Variants in RNF111 observed in about 807,000 individuals in gnomAD.
RNF111 encodes the protein E3 ubiquitin-protein ligase Arkadia.
In RNF111, 17 loss-of-function variants were observed where a neutral mutation model predicts 95.1. The ratio of observed to expected loss-of-function variants is 0.18; its 90% CI spans 0.12 to 0.27. RNF111 has a LOEUF of 0.27. Among genes scored for constraint, RNF111 ranks in the 10% least tolerant of loss-of-function variants. The probability of loss-of-function intolerance (pLI) is 1.00; values close to 1 mark genes in which losing one functional copy is unlikely to be tolerated. For synonymous variants in RNF111, 440 were observed against 414.8 expected (o/e 1.06, Z -0.74); for missense variants, 1,189 against 1,210.4 (o/e 0.98, Z 0.26).
Position 59,091,133 on chromosome 15 carries a change from A to C in RNF111, c.2718A>C (p.Thr906=), listed in dbSNP as rs748443145. 1 of 1,600,254 alleles carries C rather than the reference A, an allele frequency of 6.2e-7. No individual in the cohort carries two copies. Among genetic ancestry groups the C allele is most frequent in the South Asian group, 1.1e-5 (1 of 90,052 alleles). The change falls in exon 12 of 14, where the codon ACA becomes ACC. Residue 906 remains threonine (T), a synonymous_variant. Coordinates refer to ENST00000348370, the MANE Select transcript of RNF111 (RefSeq NM_017610.8). ...CCCAGGGGACAATTGAAAGATGTACATATCCACATAAATACAAAAAGGTAA... is the reference window on the plus strand; with the variant it reads ...CCCAGGGGACAATTGAAAGATGTACCTATCCACATAAATACAAAAAGGTAA... ...GASQGTIERC[T]YPHKYKKRKL...
intron 2 of RNF111, among the ~76,000 whole-genome samples, chr15:59,037,102 G>T (rs942121781): frequency 5.9e-5 from 9 of 151,886 alleles, no homozygotes. Flanking sequence ...CTCCCAAAGT[G>T]CTGGATTACA....
intron 6 of RNF111, among the ~76,000 whole-genome samples, chr15:59,072,450 C>CT (rs35989790): frequency 0.025 from 2,584 of 102,718 alleles, 85 homozygotes; most frequent in African/African-American, 0.056. Flanking sequence ...TCATTTCCAT[C>CT]TTTTTTTTTT....
intron 2 of RNF111, among the ~76,000 whole-genome samples, chr15:59,041,680 A>C (rs1206518559): frequency 6.6e-6 from 1 of 152,214 alleles, no homozygotes; most frequent in Non-Finnish European, 1.5e-5. Context: ...GGATAAATGC[A>C]TATGTTATTT....
At chr15:59,027,585 A>G (rs577011114) in intron 1 of RNF111, among the ~76,000 whole-genome samples, 13 of 151,554 alleles carry the variant, frequency 8.6e-5, no homozygotes, top group African/African-American at 2.4e-4. Context: ...CTGGAGTGCA[A>G]TGGCGCAATC....
chr15:59,001,516 A>T (rs950990323), intron 1 of RNF111, among the ~76,000 whole-genome samples: 3 of 152,156 alleles, frequency 2.0e-5, no homozygotes, highest in Non-Finnish European at 4.4e-5. Context: ...CCATGTTTTT[A>T]AAAAATGTGA....
At chr15:59,060,516 G>C (rs1368178873) in intron 5 of RNF111, among the ~76,000 whole-genome samples, 1 of 152,094 alleles carries the variant, frequency 6.6e-6, no homozygotes, top group African/African-American at 2.4e-5. Flanking sequence ...CACACCTTTA[G>C]TGCCAGCTAC....
At chr15:59,017,510 C>A (rs753848401) in intron 1 of RNF111, among the ~76,000 whole-genome samples, 1 of 152,130 alleles carries the variant, frequency 6.6e-6, no homozygotes, top group African/African-American at 2.4e-5. Context: ...ATAAAAACAT[C>A]AATTGTCTTT....
chr15:59,038,459 C>T (rs1198575596), intron 2 of RNF111, among the ~76,000 whole-genome samples: 1 of 152,036 alleles, frequency 6.6e-6, no homozygotes, highest in Non-Finnish European at 1.5e-5. Context: ...TACTTCTGTC[C>T]CTCTTTTTGT....
At chr15:59,018,997 C>G (rs972303779) in intron 1 of RNF111, among the ~76,000 whole-genome samples, 1 of 152,050 alleles carries the variant, frequency 6.6e-6, no homozygotes, top group African/African-American at 2.4e-5. Context: ...GACCTCAGCT[C>G]ACTGCAGCCT....
At chr15:59,007,440 T>C (rs2039592570) in intron 1 of RNF111, among the ~76,000 whole-genome samples, 2 of 152,230 alleles carry the variant, frequency 1.3e-5, no homozygotes, top group South Asian at 4.1e-4. Flanking sequence ...GGTATCCCGT[T>C]GTAGCTGTAT....
intron 2 of RNF111, among the ~76,000 whole-genome samples, chr15:59,040,256 C>T (rs576249454): frequency 6.6e-6 from 1 of 152,044 alleles, no homozygotes; most frequent in Non-Finnish European, 1.5e-5. Flanking sequence ...CTTGGGACTA[C>T]AGCACATGCC....
At chr15:59,058,291 C>T (rs1596231330) in intron 4 of RNF111, 65 bp from the exon 5 acceptor site, 1 of 1,275,280 alleles carries the variant, frequency 7.8e-7, no homozygotes, top group East Asian at 2.3e-5. Flanking sequence ...CATTAGCTTA[C>T]ATTAAAATAT....
chr15:59,066,864 G>A lies in RNF111; in HGVS notation c.1467G>A (p.Gly489=), dbSNP rs1237828624. Residue 489 remains glycine, a synonymous_variant, in exon 6 of 14, where the codon GGG becomes GGA. Coordinates refer to ENST00000348370, the MANE Select transcript of RNF111 (RefSeq NM_017610.8). The part of the protein sequence containing the change: ...SCCPQHSPCG[G]SSQNHHALGH... ...GTCCCCAGCACTCACCATGTGGAGG[G>A]TCGTCACAGAACCACCATGCATTAG... 2.5e-6 allele frequency: 4 copies of A among 1,614,010 alleles called. No homozygotes were observed. In the Admixed American group the frequency reaches 5.0e-5, roughly 20 times the overall value.
At chr15:59,085,529 A>T (rs2078872750) in intron 9 of RNF111, 130 bp from the exon 10 acceptor site, 1 of 780,470 alleles carries the variant, frequency 1.3e-6, no homozygotes, top group South Asian at 4.8e-5. Flanking sequence ...TTTTGGGCTA[A>T]ATTATCTTTC....
intron 2 of RNF111, among the ~76,000 whole-genome samples, chr15:59,050,036 G>A (rs1399885185): frequency 2.0e-5 from 3 of 150,534 alleles, no homozygotes; most frequent in Non-Finnish European, 3.0e-5. Context: ...CACCACGCCC[G>A]GCCCACAGTA....
chr15:59,095,842 A>G lies in RNF111; in HGVS notation c.*942A>G, dbSNP rs571235806. On this transcript the variant is annotated 3_prime_UTR_variant, in exon 14 of 14. Transcript: ENST00000348370. Reference sequence around the variant, plus strand: ...TTGATTTTGTAGACACATTAAGTCAAGATTTGGAATTTAAGTCACTGGCAG... The same window carrying G: ...TTGATTTTGTAGACACATTAAGTCAGGATTTGGAATTTAAGTCACTGGCAG... 2.5e-6 allele frequency: 1 copy of G among 395,428 alleles called. No homozygotes were observed. The highest frequency in any genetic ancestry group is 1.4e-4 in the South Asian group (1 of 7,008). The allele number at this position is 395,428 out of a possible 1,614,324, so 24.5% of individuals were successfully genotyped here.
At chr15:59,019,062 TTCA>T (rs557279156) in intron 1 of RNF111, among the ~76,000 whole-genome samples, 306 of 151,740 alleles carry the variant, frequency 2.0e-3, no homozygotes, top group African/African-American at 6.8e-3. Flanking sequence ...TAGGTGAGAC[TTCA>T]GGCACGTGCC....
Position 59,043,056 on chromosome 15 carries a change from G to A in RNF111, c.881-9249G>A, listed in dbSNP as rs138695477. 3.6e-3 allele frequency among the ~76,000 whole-genome samples: 544 copies of A among 152,138 alleles called. 1 individual carries two copies. Among genetic ancestry groups the A allele is most frequent in the Non-Finnish European group, 5.4e-3 (367 of 67,998 alleles). On this transcript the variant is annotated intron_variant, in intron 2 of 13. Transcript: ENST00000348370. ...TGTCTAGTTTTGTATCTTGCAGAGAGCGTTTTATGTTCTTTTAAAAATTAT... is the reference window on the plus strand; with the variant it reads ...TGTCTAGTTTTGTATCTTGCAGAGAACGTTTTATGTTCTTTTAAAAATTAT...
At chr15:59,084,430 T>C (rs2078838332) in intron 9 of RNF111, 176 bp downstream of exon 9, 1 of 487,080 alleles carries the variant, frequency 2.1e-6, no homozygotes, top group Non-Finnish European at 3.4e-6. Context: ...GAATAGGAGC[T>C]GGGGCAGGGA....
Sources: allele counts gnomAD v4.1 joint callset (sites outside exome capture counted in the v4.1 genomes callset), GRCh38; gene constraint gnomAD v4.1.1; transcripts MANE v1.5; gene names NCBI Gene and HGNC (gene_info 2026-07-23, HGNC 2026-07-21).